The following RAP1B variants were observed in gnomAD, a reference collection of about 807,000 sequenced individuals.
RAP1B encodes the protein ras-related protein Rap-1b.
A neutral mutation model predicts 27.5 loss-of-function variants in RAP1B; 1 was observed. The ratio of observed to expected loss-of-function variants is 0.04; its 90% CI spans 0.01 to 0.17. The LOEUF (loss-of-function observed/expected upper bound fraction) is 0.17. Ranked by LOEUF, RAP1B falls within the 10% of genes least tolerant of loss-of-function variation. The pLI is 1.00. For synonymous variants in RAP1B, 75 were observed against 73.1 expected (o/e 1.03, Z -0.13); for missense variants, 84 against 214.8 (o/e 0.39, Z 3.81).
intron 1 of RAP1B, chr12:68,626,739 G>A (rs974038241): frequency 1.2e-6 from 1 of 817,588 alleles, no homozygotes; most frequent in African/African-American, 1.7e-5. Context: ...AAGGTCTTAA[G>A]GAAGAGGGAA....
chr12:68,631,545 T>C (rs1389872841), intron 1 of RAP1B, among the ~76,000 whole-genome samples: 1 of 152,184 alleles, frequency 6.6e-6, no homozygotes, highest in Non-Finnish European at 1.5e-5. Context: ...AACTGAAGAT[T>C]ACTGCTATTT....
intron 1 of RAP1B, among the ~76,000 whole-genome samples, chr12:68,612,027 C>T (rs1243140833): frequency 1.3e-5 from 2 of 152,112 alleles, no homozygotes; most frequent in Admixed American, 1.3e-4. Context: ...TTTAGAAAAA[C>T]ATTTTGGCCC....
Position 68,666,919 on chromosome 12 carries a change from T to C in RAP1B, c.*7670T>C, listed in dbSNP as rs1408793340. On this transcript the variant is annotated 3_prime_UTR_variant, in exon 8 of 8. Transcript: ENST00000250559. ...ATTCTGAGGGAAGTCTGGGATTAGG[T>C]GAGACTTTAATGAGTCCATCAGAGG... 6.6e-6 allele frequency: 1 copy of C among 152,148 alleles called. No homozygotes were observed. The highest frequency in any genetic ancestry group is 1.9e-4 in the East Asian group (1 of 5,190). The allele number at this position is 152,148 out of a possible 1,614,324, so 9.4% of individuals were successfully genotyped here.
In RAP1B at chr12:68,657,171, C is replaced by T; in HGVS notation, c.539C>T (p.Ser180Leu). Residue 180 changes from serine to leucine, a missense_variant, in exon 7 of 8, where the codon TCA (serine) becomes TTA (leucine). Ser to Leu is a moderately radical substitution (Grantham distance 145, BLOSUM62 -2). Transcript: ENST00000250559. ...PVPGKARKKS[S>L]CQLL is the part of the protein sequence containing the mutation. ...CCTGGGAAGGCTCGCAAAAAGTCAT[C>T]ATGTCAGCTGCTTTAATATACTAAA... 6.8e-6 allele frequency: 11 copies of T among 1,610,682 alleles called. No homozygotes were observed. Among genetic ancestry groups the T allele is most frequent in the Non-Finnish European group, 9.3e-6 (11 of 1,176,916 alleles).
chr12:68,617,907 G>T (rs1592419236), intron 1 of RAP1B, among the ~76,000 whole-genome samples: 2 of 151,826 alleles, frequency 1.3e-5, no homozygotes, highest in South Asian at 4.2e-4. Flanking sequence ...GGGCCTACAG[G>T]CGCATGCCAC....
At chr12:68,654,351 T>TGGTG (rs1555173445) in intron 5 of RAP1B, 99 bp downstream of exon 5, 6 of 165,636 alleles carry the variant, frequency 3.6e-5, no homozygotes, top group Non-Finnish European at 2.5e-5. Context: ...GTATTTTGGT[T>TGGTG]GGGGGGGGGG....
intron 1 of RAP1B, chr12:68,642,934 T>C (rs1017048226): frequency 1.3e-4 from 114 of 888,728 alleles, no homozygotes; most frequent in South Asian, 7.5e-4. Flanking sequence ...GGTTCTGGGG[T>C]ATGATCTCTG....
chr12:68,626,265 C>T (rs998446003), intron 1 of RAP1B, among the ~76,000 whole-genome samples: 7 of 152,198 alleles, frequency 4.6e-5, no homozygotes, highest in African/African-American at 1.7e-4. Context: ...GATTTATCTA[C>T]TAACACTAAA....
chr12:68,648,666 T>C, intron 1 of RAP1B, 33 bp from the exon 2 acceptor site: 3 of 1,483,132 alleles, frequency 2.0e-6, no homozygotes, highest in Non-Finnish European at 2.8e-6. Flanking sequence ...ACAACTTTAC[T>C]TAGAATTCTT....
chr12:68,620,947 A>G (rs1592423144), intron 1 of RAP1B, among the ~76,000 whole-genome samples: 1 of 152,214 alleles, frequency 6.6e-6, no homozygotes, highest in East Asian at 1.9e-4. Flanking sequence ...GTTTCAGATT[A>G]GGAGAGTGTT....
rs1874494252 is a variant in RAP1B at position 68,659,759 on chromosome 12, T to C, written c.*510T>C. On this transcript the variant is annotated 3_prime_UTR_variant, in exon 8 of 8. Transcript: ENST00000250559. ...TCAAGGTCATTATTATTGTACAAAA[T>C]AAGCGCTTTGATTAACACAGCTATA... 1 of 152,582 alleles carries C rather than the reference T, an allele frequency of 6.6e-6. No individual in the cohort carries two copies. Among genetic ancestry groups the C allele is most frequent in the African/African-American group, 2.4e-5 (1 of 41,418 alleles). The allele number at this position is 152,582 out of a possible 1,614,324, so 9.5% of individuals were successfully genotyped here. A position where few individuals can be genotyped will look rare whatever the true frequency, so the allele number is the denominator to read the frequency against.
In RAP1B at chr12:68,662,306, A is replaced by G. The variant is rs1874642804; in HGVS notation, c.*3057A>G. On this transcript the variant is annotated 3_prime_UTR_variant, in exon 8 of 8. Transcript: ENST00000250559. ...TTTTCACGTCCCCAAGGATACTTGA[A>G]GAAACTTGAGTTTTAGGAGAAAATC... The G allele has an allele frequency of 6.6e-6, 1 of 151,892 alleles. No individual in the cohort carries two copies. The highest frequency in any genetic ancestry group is 1.5e-5 in the Non-Finnish European group (1 of 67,972). 9.4% of individuals were successfully genotyped at this position (151,892 alleles called of 1,614,324 possible).
chr12:68,621,612 A>G (rs2135919225), intron 1 of RAP1B: 1 of 152,382 alleles, frequency 6.6e-6, no homozygotes, highest in South Asian at 2.1e-4. Context: ...GAAGTAGAGC[A>G]GAAAAGAGAG....
At chr12:68,638,053 CTG>C (rs1872748732) in intron 1 of RAP1B, among the ~76,000 whole-genome samples, 1 of 152,208 alleles carries the variant, frequency 6.6e-6, no homozygotes, top group African/African-American at 2.4e-5. Flanking sequence ...CATTGTTCAA[CTG>C]TGTTTTATCC....
intron 1 of RAP1B, among the ~76,000 whole-genome samples, chr12:68,636,120 A>G (rs1398303105): frequency 6.6e-6 from 1 of 151,758 alleles, no homozygotes; most frequent in African/African-American, 2.4e-5. Context: ...CCTGACCTCA[A>G]GTGATCTGCC....
chr12:68,650,490 CT>C, intron 3 of RAP1B, 22 bp downstream of exon 3: 4 of 1,444,374 alleles, frequency 2.8e-6, no homozygotes, highest in Admixed American at 2.6e-5. Context: ...TTTGGAAGGC[CT>C]TTTGCTTTTG....
chr12:68,627,119 G>A, intron 1 of RAP1B: 7 of 1,587,324 alleles, frequency 4.4e-6, no homozygotes, highest in Non-Finnish European at 6.0e-6. Context: ...TGATAACTTG[G>A]CCAGTGTGAA....
intron 1 of RAP1B, among the ~76,000 whole-genome samples, chr12:68,624,209 A>T (rs936047275): frequency 1.3e-5 from 2 of 152,210 alleles, no homozygotes; most frequent in African/African-American, 4.8e-5. Flanking sequence ...GCTGAGGGTG[A>T]TGAGTCTTTA....
intron 1 of RAP1B, among the ~76,000 whole-genome samples, chr12:68,620,152 ACC>A (rs1871292247): frequency 7.6e-6 from 1 of 130,790 alleles, no homozygotes; most frequent in Non-Finnish European, 1.7e-5. Flanking sequence ...TCCTTTTTTT[ACC>A]TTTCAGGAGA....
Sources: allele counts gnomAD v4.1 joint callset (sites outside exome capture counted in the v4.1 genomes callset), GRCh38; gene constraint gnomAD v4.1.1; transcripts MANE v1.5; gene names NCBI Gene and HGNC (gene_info 2026-07-23, HGNC 2026-07-21).